Variants in DOCK5 observed in about 807,000 individuals in gnomAD.
DOCK5 encodes dedicator of cytokinesis protein 5.
In DOCK5, 142 loss-of-function variants were observed where a neutral mutation model predicts 251.8. That is an observed-to-expected ratio of 0.56 (90% CI 0.49 to 0.65). The LOEUF (loss-of-function observed/expected upper bound fraction) is 0.65. Among genes scored for constraint, DOCK5 ranks in the 30% least tolerant of loss-of-function variants. The pLI, the probability that DOCK5 is intolerant of heterozygous loss-of-function variation, is 0.00. For missense variants in DOCK5, 2,111 were observed against 2,312.3 expected (o/e 0.91, Z 1.79); for synonymous variants, 842 against 835.5 (o/e 1.01, Z -0.13).
rs1801389062 is a variant in DOCK5, at chr8:25,184,864, C to G, written c.-45C>G. On this transcript the variant is annotated 5_prime_UTR_variant, in exon 1 of 52. Transcript: ENST00000276440. ...GCGGCGGCGGCCGGAGCCCGAGGAG[C>G]TGTAGCAGCCTTAGTCGCCGCCGCC... The G allele has an allele frequency of 3.0e-6, 4 of 1,320,124 alleles. No individual in the cohort carries two copies. In the African/African-American group the frequency reaches 6.1e-5, roughly 20 times the overall value. 81.8% of individuals were successfully genotyped at this position (1,320,124 alleles called of 1,614,324 possible).
At chr8:25,256,467 C>T (rs1027706661) in intron 2 of DOCK5, among the ~76,000 whole-genome samples, 2 of 151,668 alleles carry the variant, frequency 1.3e-5, no homozygotes, top group Non-Finnish European at 2.9e-5. Flanking sequence ...GGCGAAAACC[C>T]GTCTCTACTA....
Position 25,310,211 on chromosome 8 carries a change from ATC to A in DOCK5, c.1193-192_1193-191del, listed in dbSNP as rs563741596. 3.2e-3 allele frequency among the ~76,000 whole-genome samples: 486 copies of A among 152,128 alleles called. 6 individuals carry two copies. Among genetic ancestry groups the A allele is most frequent in the African/African-American group, 0.011 (466 of 41,494 alleles). ...TCCCCCAAAGTTAGCATCTGTTCAC[ATC>A]TCTGTCAAATTCTCAAAGAGGTCCT... On this transcript the variant is annotated intron_variant, in intron 12 of 51. Coordinates refer to ENST00000276440, the MANE Select transcript of DOCK5 (RefSeq NM_024940.8).
At chr8:25,187,670 T>C (rs1443254884) in intron 1 of DOCK5, among the ~76,000 whole-genome samples, 1 of 151,904 alleles carries the variant, frequency 6.6e-6, no homozygotes, top group South Asian at 2.1e-4. Flanking sequence ...CGTTCCAAGG[T>C]TCCTATAATC....
In DOCK5 at chr8:25,190,775, G is replaced by GTTTT. The variant is rs755511798; in HGVS notation, c.43+5824_43+5825insTTTT. Among the ~76,000 whole-genome samples, 20 of 53,984 alleles carry GTTTT rather than the reference G, an allele frequency of 3.7e-4. 1 individual carries two copies. The highest frequency in any genetic ancestry group is 5.4e-4 in the African/African-American group (8 of 14,878). The allele number at this position is 53,984 out of a possible 152,430, so 35.4% of individuals were successfully genotyped here. ...AAGGCCTGGCCTTAACTTGGTCATGGGTTTTTTTTTTTTTTTTTTTTTTTT... is the reference window on the plus strand; with the variant it reads ...AAGGCCTGGCCTTAACTTGGTCATGGTTTTGTTTTTTTTTTTTTTTTTTTTTTTT... On this transcript the variant is annotated intron_variant, in intron 1 of 51. Coordinates refer to ENST00000276440, the MANE Select transcript of DOCK5 (RefSeq NM_024940.8).
At chr8:25,392,582 A>T (rs1400985657) in intron 43 of DOCK5, among the ~76,000 whole-genome samples, 2 of 152,178 alleles carry the variant, frequency 1.3e-5, no homozygotes, top group African/African-American at 4.8e-5. Context: ...CTGTAGGGTG[A>T]GAAGTCCCAA....
intron 2 of DOCK5, among the ~76,000 whole-genome samples, chr8:25,257,816 A>AT (rs1225372202): frequency 6.6e-6 from 1 of 152,186 alleles, no homozygotes; most frequent in African/African-American, 2.4e-5. Context: ...CATGCTGATG[A>AT]TAACAAAACC....
At chr8:25,288,144 C>T (rs1804389914) in intron 5 of DOCK5, among the ~76,000 whole-genome samples, 1 of 152,170 alleles carries the variant, frequency 6.6e-6, no homozygotes, top group African/African-American at 2.4e-5. Context: ...CCTCGGCCTC[C>T]CAAAGTGCTG....
At position 25,401,098 on chromosome 8, in the gene DOCK5, T is replaced by C. The variant is rs200618396; in HGVS notation, c.4926+32T>C. ...ATGATCTAAGTAGCCTTCACACCTT[T>C]TTCTAGGCTCTGTGACCTTTTATGA... On this transcript the variant is annotated intron_variant, in intron 47 of 51. Transcript: ENST00000276440. The C allele has an allele frequency of 3.7e-6, 6 of 1,609,554 alleles. No homozygotes were observed. In the African/African-American group the frequency reaches 8.0e-5, roughly 22 times the overall value.
rs181666976 is a variant in DOCK5, at chr8:25,247,775, C to T, written c.127+4018C>T. On this transcript the variant is annotated intron_variant, in intron 2 of 51. Transcript: ENST00000276440. ...ATTTCAAATACCATGCACTTGAGTC[C>T]AAACAGTCCAAAACCCACAGTGCTT... Among the ~76,000 whole-genome samples, 21 of 152,118 alleles carry T rather than the reference C, an allele frequency of 1.4e-4. No individual in the cohort carries two copies. In the East Asian group the frequency reaches 4.1e-3, roughly 29 times the overall value.
At chr8:25,280,219 G>T (rs1213669678) in intron 5 of DOCK5, among the ~76,000 whole-genome samples, 3 of 152,226 alleles carry the variant, frequency 2.0e-5, no homozygotes, top group Non-Finnish European at 4.4e-5. Context: ...GTGTGTACAA[G>T]TTCAGGGAGG....
intron 1 of DOCK5, among the ~76,000 whole-genome samples, chr8:25,217,065 AT>A (rs1348123691): frequency 1.4e-5 from 2 of 139,306 alleles, no homozygotes; most frequent in Non-Finnish European, 3.2e-5. Context: ...TGTATACAAT[AT>A]GTATATATGT....
In DOCK5 at chr8:25,366,999, G is replaced by A. The variant is rs1800788041; in HGVS notation, c.3224+29G>A. 2.5e-6 allele frequency: 4 copies of A among 1,573,648 alleles called. No individual in the cohort carries two copies. The East Asian group carries it at 9.0e-5, about 35-fold the overall frequency. On this transcript the variant is annotated intron_variant, in intron 31 of 51. Transcript: ENST00000276440. ...AGTGTCCTTTTAAAGTTAAGATCGG[G>A]AAGGGGCTTCTTCCATTTGTTTACA...
Position 25,345,457 on chromosome 8 carries a change from C to T in DOCK5, c.2618-18C>T. The T allele has an allele frequency of 6.2e-7, 1 of 1,612,836 alleles. No homozygotes were observed. The highest frequency in any genetic ancestry group is 1.7e-4 in the Middle Eastern group (1 of 6,060). On this transcript the variant is annotated intron_variant, in intron 25 of 51. Transcript: ENST00000276440. ...GGTGGCACTGCTGTGTGTGAGCTGT[C>T]TGTGTTTTCCTTCTCAGAGTGCAGA...
chr8:25,222,256 A>G (rs1802411300), intron 1 of DOCK5, among the ~76,000 whole-genome samples: 1 of 152,190 alleles, frequency 6.6e-6, no homozygotes, highest in African/African-American at 2.4e-5. Context: ...GAATAATTCC[A>G]GTATTATTTC....
At chr8:25,282,666 C>G (rs1804228017) in intron 5 of DOCK5, among the ~76,000 whole-genome samples, 2 of 151,778 alleles carry the variant, frequency 1.3e-5, no homozygotes, top group South Asian at 4.2e-4. Context: ...TGAGACCAGC[C>G]TGGGTGACAT....
chr8:25,385,085 A>G (rs925030), intron 40 of DOCK5, among the ~76,000 whole-genome samples: 1 of 151,924 alleles, frequency 6.6e-6, no homozygotes, highest in Non-Finnish European at 1.5e-5. Context: ...CAGTGCCTTG[A>G]AAGGAAGGGC....
At chr8:25,187,329 G>GTA (rs548168906) in intron 1 of DOCK5, among the ~76,000 whole-genome samples, 60 of 146,396 alleles carry the variant, frequency 4.1e-4, no homozygotes, top group African/African-American at 9.5e-4. Context: ...GTGTGTGTGT[G>GTA]TATATATATA....
chr8:25,260,340 CTGGGGTGCCGCCCA>C (rs1450192203), intron 2 of DOCK5, among the ~76,000 whole-genome samples: 9 of 152,102 alleles, frequency 5.9e-5, no homozygotes, highest in African/African-American at 2.2e-4. Flanking sequence ...TGCTCCTTCT[CTGGGGTGCCGCCCA>C]CCCCCGCCCA....
At chr8:25,226,679 G>C (rs1285148367) in intron 1 of DOCK5, among the ~76,000 whole-genome samples, 2 of 149,398 alleles carry the variant, frequency 1.3e-5, no homozygotes, top group African/African-American at 5.0e-5. Context: ...TCCGCCTCCT[G>C]GGTTCACGCC....
Sources: allele counts gnomAD v4.1 joint callset (sites outside exome capture counted in the v4.1 genomes callset), GRCh38; gene constraint gnomAD v4.1.1; transcripts MANE v1.5; gene names NCBI Gene and HGNC (gene_info 2026-07-23, HGNC 2026-07-21).